Variants in CNBD1 observed in about 807,000 individuals in gnomAD.
CNBD1 encodes the protein cyclic nucleotide-binding domain-containing protein 1.
CNBD1 carries 71 observed loss-of-function variants against 54.4 expected under a neutral mutation model. That is an observed-to-expected ratio of 1.30 (90% CI 1.08 to 1.59). The LOEUF is 1.59. Ranked by LOEUF, CNBD1 falls within the 40% of genes most tolerant of loss-of-function variation. The pLI is 0.00. For synonymous variants in CNBD1, 182 were observed against 170.7 expected (o/e 1.07, Z -0.51); for missense variants, 659 against 518.0 (o/e 1.27, Z -2.64).
intron 5 of CNBD1, among the ~76,000 whole-genome samples, chr8:87,216,168 C>G (rs1387955637): frequency 2.0e-5 from 3 of 151,928 alleles, no homozygotes; most frequent in African/African-American, 4.8e-5. Context: ...CAATGGACAC[C>G]AATAATGCAA....
intron 4 of CNBD1, among the ~76,000 whole-genome samples, chr8:87,188,686 A>G (rs1813532749): frequency 6.6e-6 from 1 of 151,656 alleles, no homozygotes; most frequent in South Asian, 2.1e-4. Context: ...AGATTATGCC[A>G]CTACAAGATC....
intron 2 of CNBD1, among the ~76,000 whole-genome samples, chr8:87,390,442 A>G (rs1375337928): frequency 7.2e-5 from 11 of 152,224 alleles, no homozygotes; most frequent in African/African-American, 2.7e-4. Context: ...ATATGAACAG[A>G]CACTTCTCAA....
At chr8:87,002,723 C>T (rs1486419224) in intron 4 of CNBD1, among the ~76,000 whole-genome samples, 1 of 151,894 alleles carries the variant, frequency 6.6e-6, no homozygotes, top group African/African-American at 2.4e-5. Context: ...CTTCTTCATC[C>T]CTCTTACCCT....
chr8:86,956,647 TA>T (rs1248742742), intron 4 of CNBD1, among the ~76,000 whole-genome samples: 2 of 152,202 alleles, frequency 1.3e-5, no homozygotes. Context: ...TATTGGTGTA[TA>T]GGAATGCTTG....
At chr8:86,873,871 G>A (rs1200311589) in intron 1 of CNBD1, among the ~76,000 whole-genome samples, 1 of 152,032 alleles carries the variant, frequency 6.6e-6, no homozygotes, top group Non-Finnish European at 1.5e-5. Flanking sequence ...TTTTTCTAGA[G>A]CAATTTGACA....
intron 8 of CNBD1, among the ~76,000 whole-genome samples, chr8:87,299,384 A>G (rs556036334): frequency 6.6e-6 from 1 of 152,300 alleles, no homozygotes; most frequent in South Asian, 2.1e-4. Context: ...AAAAAATGCC[A>G]AAATGGTGTT....
chr8:87,315,098 G>A (rs1171923478), intron 8 of CNBD1, among the ~76,000 whole-genome samples: 1 of 151,656 alleles, frequency 6.6e-6, no homozygotes, highest in Non-Finnish European at 1.5e-5. Flanking sequence ...ATATTTTAGT[G>A]GACAGATTAA....
At chr8:86,968,225 A>AT (rs1276075711) in intron 4 of CNBD1, among the ~76,000 whole-genome samples, 1 of 152,010 alleles carries the variant, frequency 6.6e-6, no homozygotes, top group Non-Finnish European at 1.5e-5. Context: ...ATTTCAAACC[A>AT]TTTTTTTGTT....
chr8:86,922,340 AAG>A (rs1421782411), intron 3 of CNBD1, among the ~76,000 whole-genome samples: 1 of 152,114 alleles, frequency 6.6e-6, no homozygotes, highest in Non-Finnish European at 1.5e-5. Flanking sequence ...AAAGAGAAGA[AAG>A]AGAAATAAAA....
At chr8:87,093,275 T>C (rs1160388283) in intron 4 of CNBD1, among the ~76,000 whole-genome samples, 1 of 152,084 alleles carries the variant, frequency 6.6e-6, no homozygotes, top group Non-Finnish European at 1.5e-5. Flanking sequence ...AACGGACAGA[T>C]GAGAATGGAA....
At chr8:87,425,644 C>G (rs1450853607) in intron 2 of CNBD1, among the ~76,000 whole-genome samples, 4 of 152,136 alleles carry the variant, frequency 2.6e-5, no homozygotes, top group South Asian at 2.1e-4. Context: ...GGTCAGGGGT[C>G]AGGGACCCAC....
chr8:86,914,565 A>G (rs1034340751), intron 3 of CNBD1, among the ~76,000 whole-genome samples: 1 of 152,226 alleles, frequency 6.6e-6, no homozygotes, highest in South Asian at 2.1e-4. Flanking sequence ...TAGTCAACAT[A>G]TGACTGTATT....
intron 8 of CNBD1, among the ~76,000 whole-genome samples, chr8:87,315,565 T>A (rs1809368063): frequency 6.6e-6 from 1 of 151,900 alleles, no homozygotes; most frequent in African/African-American, 2.4e-5. Flanking sequence ...ATGTGGAAAC[T>A]AGCAGAGTGA....
At chr8:86,964,760 G>C (rs1808026747) in intron 4 of CNBD1, among the ~76,000 whole-genome samples, 1 of 152,170 alleles carries the variant, frequency 6.6e-6, no homozygotes, top group African/African-American at 2.4e-5. Flanking sequence ...TTCCCCTGCT[G>C]AAGGTACCAC....
At chr8:86,877,095 A>G (rs187578777) in intron 1 of CNBD1, among the ~76,000 whole-genome samples, 56 of 152,160 alleles carry the variant, frequency 3.7e-4, no homozygotes, top group Admixed American at 3.6e-3. Context: ...TGCAACAAAT[A>G]TTTAAGTCTT....
intron 4 of CNBD1, among the ~76,000 whole-genome samples, chr8:87,189,615 GA>G (rs777216852): frequency 6.6e-6 from 1 of 152,114 alleles, no homozygotes; most frequent in Non-Finnish European, 1.5e-5. Context: ...AGCTTGAAAA[GA>G]AGAGTTAAAT....
At chr8:87,177,465 A>G (rs1813223815) in intron 4 of CNBD1, among the ~76,000 whole-genome samples, 1 of 152,218 alleles carries the variant, frequency 6.6e-6, no homozygotes, top group Non-Finnish European at 1.5e-5. Flanking sequence ...GAATTTTAAT[A>G]CTGAAGTTTT....
At chr8:87,237,495 T>C (rs1048061275) in intron 6 of CNBD1, among the ~76,000 whole-genome samples, 1 of 151,476 alleles carries the variant, frequency 6.6e-6, no homozygotes, top group African/African-American at 2.4e-5. Flanking sequence ...TGTATGTTTA[T>C]TATGTTTGTC....
intron 4 of CNBD1, among the ~76,000 whole-genome samples, chr8:87,127,755 A>G (rs1252555917): frequency 6.6e-6 from 1 of 152,146 alleles, no homozygotes; most frequent in Non-Finnish European, 1.5e-5. Flanking sequence ...ACAATCTTTT[A>G]TCATTAAGTA....
Sources: gnomAD v4.1 joint callset for allele counts (sites outside exome capture counted in the v4.1 genomes callset) on GRCh38, gnomAD v4.1.1 for gene constraint, MANE v1.5 for transcripts, NCBI Gene and HGNC (gene_info 2026-07-23, HGNC 2026-07-21) for gene names.